The following SEMA6A variants were observed in gnomAD, a reference collection of about 807,000 sequenced individuals.
The protein encoded by SEMA6A is semaphorin-6A.
In SEMA6A, 25 loss-of-function variants were observed where a neutral mutation model predicts 96.8. The ratio of observed to expected loss-of-function variants is 0.26; its 90% CI spans 0.19 to 0.36. SEMA6A has a LOEUF of 0.36. SEMA6A is among the 10% of genes least tolerant of loss of function. The pLI, the probability that SEMA6A is intolerant of heterozygous loss-of-function variation, is 1.00. For synonymous variants in SEMA6A, 612 were observed against 518.0 expected, an observed-to-expected ratio of 1.18 and a Z score of -2.46; for missense variants, 1,363 against 1,323.1, an observed-to-expected ratio of 1.03 and a Z score of -0.47.
chr5:116,565,580 A>G (rs1440458743), intron 1 of SEMA6A, among the ~76,000 whole-genome samples: 2 of 152,212 alleles, frequency 1.3e-5, no homozygotes, highest in Non-Finnish European at 2.9e-5. Context: ...AATGCTACAA[A>G]CAATTTGGTT....
Position 116,507,145 on chromosome 5 carries a change from G to A in SEMA6A, c.-38-2163C>T, listed in dbSNP as rs537570185. 1.7e-4 allele frequency among the ~76,000 whole-genome samples: 26 copies of A among 152,174 alleles called. No individual in the cohort carries two copies. The South Asian group carries it at 5.4e-3, about 32-fold the overall frequency. On this transcript the variant is annotated intron_variant, in intron 1 of 18. Coordinates refer to ENST00000343348, the MANE Select transcript of SEMA6A (RefSeq NM_020796.5). ...TTAAGTATCTCCAGGTTTACAGCAG[G>A]GCTCTCTGCCAGGAAAAATAGCTGT...
chr5:116,488,082 G>C, intron 9 of SEMA6A, 26 bp downstream of exon 9: 4 of 1,452,018 alleles, frequency 2.8e-6, no homozygotes, highest in Non-Finnish European at 3.8e-6. Context: ...GTTACAAACT[G>C]AGCCAAGGAC....
intron 1 of SEMA6A, among the ~76,000 whole-genome samples, chr5:116,513,676 A>G (rs1758527167): frequency 6.7e-6 from 1 of 149,860 alleles, no homozygotes; most frequent in Non-Finnish European, 1.5e-5. Flanking sequence ...GGTTTGTTAC[A>G]TAGGTAAGCG....
chr5:116,473,309 T>G (rs866154865), intron 16 of SEMA6A, among the ~76,000 whole-genome samples: 1 of 152,350 alleles, frequency 6.6e-6, no homozygotes, highest in Admixed American at 6.5e-5. Flanking sequence ...TTCCTCCAAG[T>G]CACTGCCTTT....
intron 18 of SEMA6A, among the ~76,000 whole-genome samples, chr5:116,461,421 C>A (rs189389584): frequency 6.6e-6 from 1 of 152,000 alleles, no homozygotes; most frequent in Non-Finnish European, 1.5e-5. Context: ...GCAATAGGAT[C>A]ATTTTTACTA....
chr5:116,554,409 C>T (rs1252821211), intron 1 of SEMA6A, among the ~76,000 whole-genome samples: 1 of 152,186 alleles, frequency 6.6e-6, no homozygotes, highest in Non-Finnish European at 1.5e-5. Flanking sequence ...CAGTTTGCCC[C>T]TGAAATATCC....
Position 116,446,933 on chromosome 5 carries a change from G to A in SEMA6A, c.2773C>T (p.Leu925Phe), listed in dbSNP as rs1263962832. 1 of 1,613,926 alleles carries A rather than the reference G, an allele frequency of 6.2e-7. No individual in the cohort carries two copies. The highest frequency in any genetic ancestry group is 2.2e-5 in the East Asian group (1 of 44,850). Residue 925 changes from leucine to phenylalanine, a missense_variant, in exon 19 of 19, where the codon CTC becomes TTC. This residue lies in a region of SEMA6A where 883 missense variants were observed against 763.6 expected (regional missense o/e 1.16). Transcript: ENST00000343348. ...DYKRSYPTNS[L>F]TRSHQATTLK... ...GTGGTGGCCTGGTGGCTTCTCGTGA[G>A]CGAGTTCGTGGGGTAGCTCCTCTTA...
intron 1 of SEMA6A, among the ~76,000 whole-genome samples, chr5:116,511,302 CTG>C (rs1422784494): frequency 6.6e-6 from 1 of 152,108 alleles, no homozygotes; most frequent in African/African-American, 2.4e-5. Flanking sequence ...AAAAAGAAGT[CTG>C]TAGATGTCCA....
intron 1 of SEMA6A, among the ~76,000 whole-genome samples, 185 bp from the exon 2 acceptor site, chr5:116,505,167 G>A (rs769799192): frequency 2.6e-5 from 4 of 151,962 alleles, no homozygotes; most frequent in African/African-American, 4.8e-5. Flanking sequence ...CCTTCCCCAC[G>A]CATCTGAGCC....
At chr5:116,478,188 G>C in intron 13 of SEMA6A, 34 bp from the exon 14 acceptor site, 5 of 1,607,460 alleles carry the variant, frequency 3.1e-6, no homozygotes, top group Non-Finnish European at 4.3e-6. Context: ...ATCATTAATA[G>C]ACTCTTCTCT....
rs552834545 is a variant in SEMA6A at position 116,472,849 on chromosome 5, C to T, written c.1729+224G>A. ...AACTACTGCTGGATGAATGACTTCA[C>T]GAATTTAAAAAAAAAAAAAAAATCC... On this transcript the variant is annotated intron_variant, in intron 17 of 18. Coordinates refer to ENST00000343348, the MANE Select transcript of SEMA6A (RefSeq NM_020796.5). The T allele has an allele frequency of 5.4e-3, 7,545 of 1,401,822 alleles. 34 individuals carry two copies. Among genetic ancestry groups the T allele is most frequent in the Non-Finnish European group, 6.4e-3 (6,841 of 1,065,452 alleles). 86.8% of individuals were successfully genotyped at this position (1,401,822 alleles called of 1,614,324 possible).
At chr5:116,497,948 C>A (rs258014) in intron 3 of SEMA6A, among the ~76,000 whole-genome samples, 64,267 of 151,980 alleles carry the variant, frequency 0.42, 13,763 homozygotes, top group East Asian at 0.62. Context: ...TAATGATGGT[C>A]AATTAAAGTC....
chr5:116,465,100 A>G (rs1755647210), intron 18 of SEMA6A, among the ~76,000 whole-genome samples: 1 of 152,208 alleles, frequency 6.6e-6, no homozygotes, highest in African/African-American at 2.4e-5. Context: ...AGGCCCTTAG[A>G]AAACCCATGA....
intron 6 of SEMA6A, among the ~76,000 whole-genome samples, chr5:116,493,762 C>T (rs1714231831): frequency 6.6e-6 from 1 of 152,146 alleles, no homozygotes; most frequent in Non-Finnish European, 1.5e-5. Flanking sequence ...TCTCATTCTT[C>T]CCACTCCTAG....
chr5:116,567,807 T>G (rs935525574), intron 1 of SEMA6A, among the ~76,000 whole-genome samples: 1 of 152,208 alleles, frequency 6.6e-6, no homozygotes, highest in Non-Finnish European at 1.5e-5. Context: ...GATGGAAACT[T>G]CTACTAGTCC....
At position 116,566,029 on chromosome 5, in the gene SEMA6A, C is replaced by A. The variant is rs533887290; in HGVS notation, c.-39+8156G>T. 2.3e-3 allele frequency among the ~76,000 whole-genome samples: 324 copies of A among 139,236 alleles called. 1 individual carries two copies. Among genetic ancestry groups the A allele is most frequent in the Admixed American group, 3.8e-3 (52 of 13,708 alleles). The allele number at this position is 139,236 out of a possible 152,430, so 91.3% of individuals were successfully genotyped here. On this transcript the variant is annotated intron_variant, in intron 1 of 18. Coordinates refer to ENST00000343348, the MANE Select transcript of SEMA6A (RefSeq NM_020796.5). ...AACAGGGAAAGAAGAATGGATCTAT[C>A]ACAGCTTGTCTGTAAAACCCTCATA...
intron 18 of SEMA6A, among the ~76,000 whole-genome samples, chr5:116,466,422 A>T (rs540992082): frequency 2.0e-5 from 3 of 151,796 alleles, no homozygotes; most frequent in African/African-American, 7.2e-5. Context: ...TATTACTAAG[A>T]GGAAGTCTAT....
intron 1 of SEMA6A, among the ~76,000 whole-genome samples, chr5:116,509,199 A>T (rs1205874341): frequency 6.6e-6 from 1 of 152,210 alleles, no homozygotes; most frequent in Admixed American, 6.5e-5. Flanking sequence ...ACATTTTAAT[A>T]ATAAGTGATA....
chr5:116,559,244 C>T (rs1760716468), intron 1 of SEMA6A, among the ~76,000 whole-genome samples: 1 of 152,158 alleles, frequency 6.6e-6, no homozygotes, highest in South Asian at 2.1e-4. Context: ...CACAATAGGA[C>T]TAGTGAAAGA....
Sources: gnomAD v4.1 joint callset for allele counts (sites outside exome capture counted in the v4.1 genomes callset) on GRCh38, gnomAD v4.1.1 for gene constraint, gnomAD v4.1.1 regional missense constraint, MANE v1.5 for transcripts, NCBI Gene and HGNC (gene_info 2026-07-23, HGNC 2026-07-21) for gene names.